Variants in LDB2 observed in about 807,000 individuals in gnomAD.
LDB2 encodes LIM domain binding 2, also known as LIM domain-binding protein 2.
Under a neutral mutation model 44.3 loss-of-function variants are expected in LDB2, and 12 were observed. The ratio of observed to expected loss-of-function variants is 0.27; its 90% CI spans 0.17 to 0.44. The LOEUF is 0.44. LDB2 is among the 20% of genes least tolerant of loss of function. The pLI is 1.00. For missense variants in LDB2, 344 were observed against 473.5 expected (o/e 0.73, Z 2.54); for synonymous variants, 164 against 174.8 (o/e 0.94, Z 0.49).
chr4:16,573,244 T>G (rs1747219595), intron 5 of LDB2, among the ~76,000 whole-genome samples: 1 of 152,176 alleles, frequency 6.6e-6, no homozygotes, highest in East Asian at 1.9e-4. Flanking sequence ...TTATGATAAT[T>G]GTTATTCTGG....
intron 2 of LDB2, among the ~76,000 whole-genome samples, chr4:16,665,102 G>T (rs1301882471): frequency 6.6e-6 from 1 of 152,132 alleles, no homozygotes; most frequent in East Asian, 1.9e-4. Flanking sequence ...TATGGGAGAG[G>T]GGGAAAAGAA....
intron 2 of LDB2, among the ~76,000 whole-genome samples, chr4:16,703,420 G>A (rs754034770): frequency 2.0e-5 from 3 of 152,150 alleles, no homozygotes; most frequent in Non-Finnish European, 4.4e-5. Context: ...AGAATGATGT[G>A]GTTTATGGAC....
At chr4:16,888,057 T>G (rs868751106) in intron 1 of LDB2, among the ~76,000 whole-genome samples, 5 of 152,198 alleles carry the variant, frequency 3.3e-5, no homozygotes, top group Admixed American at 6.5e-5. Context: ...GTGAATCAAT[T>G]GGAAGGGCTG....
At chr4:16,808,042 A>T (rs368926931) in intron 1 of LDB2, among the ~76,000 whole-genome samples, 1 of 152,338 alleles carries the variant, frequency 6.6e-6, no homozygotes, top group Non-Finnish European at 1.5e-5. Context: ...AGGAAAAAAA[A>T]GTATGAGAGA....
At chr4:16,569,556 G>A (rs746042148) in intron 5 of LDB2, among the ~76,000 whole-genome samples, 4 of 152,064 alleles carry the variant, frequency 2.6e-5, no homozygotes, top group Non-Finnish European at 5.9e-5. Context: ...TAGTAAATGC[G>A]GGCTGAATGG....
intron 2 of LDB2, among the ~76,000 whole-genome samples, chr4:16,685,524 TG>T (rs1382285885): frequency 1.3e-5 from 2 of 152,212 alleles, no homozygotes; most frequent in Non-Finnish European, 2.9e-5. Context: ...TCTCCTCACC[TG>T]TTGAATGGAC....
chr4:16,615,146 A>G (rs1726913656), intron 2 of LDB2, among the ~76,000 whole-genome samples: 1 of 152,034 alleles, frequency 6.6e-6, no homozygotes, highest in Non-Finnish European at 1.5e-5. Context: ...ACGATTTTAC[A>G]CTGTTAGTGG....
intron 1 of LDB2, among the ~76,000 whole-genome samples, chr4:16,821,759 A>AAAAAAAAAAAAAAAAAAAAAAAAG (rs1782106504): frequency 6.7e-6 from 1 of 149,590 alleles, no homozygotes; most frequent in Admixed American, 6.7e-5. Context: ...AAAAAAAAAA[A>AAAAAAAAAAAAAAAAAAAAAAAAG]AAAAAAAAAA....
At chr4:16,877,843 T>C (rs1718885956) in intron 1 of LDB2, among the ~76,000 whole-genome samples, 1 of 152,158 alleles carries the variant, frequency 6.6e-6, no homozygotes, top group Non-Finnish European at 1.5e-5. Context: ...GGGATAAAAC[T>C]ATAATGCCAT....
At chr4:16,649,662 A>T (rs1560755201) in intron 2 of LDB2, among the ~76,000 whole-genome samples, 1 of 152,158 alleles carries the variant, frequency 6.6e-6, no homozygotes, top group Non-Finnish European at 1.5e-5. Context: ...TCATTTGTAA[A>T]ATGGGGATGC....
intron 2 of LDB2, among the ~76,000 whole-genome samples, chr4:16,609,587 T>G (rs1283752859): frequency 6.6e-6 from 1 of 152,202 alleles, no homozygotes; most frequent in Non-Finnish European, 1.5e-5. Context: ...TGTGGCAGTC[T>G]GCGGCCAGAG....
intron 5 of LDB2, among the ~76,000 whole-genome samples, chr4:16,555,348 C>A (rs889265845): frequency 1.3e-5 from 2 of 152,200 alleles, no homozygotes; most frequent in African/African-American, 4.8e-5. Flanking sequence ...AATTCCTTAG[C>A]ATGGCAGATG....
intron 2 of LDB2, among the ~76,000 whole-genome samples, chr4:16,745,561 CT>C (rs1172993634): frequency 1.3e-5 from 2 of 152,126 alleles, no homozygotes; most frequent in Admixed American, 6.5e-5. Flanking sequence ...GCAACAAGGA[CT>C]TGGAAGGAAA....
intron 1 of LDB2, among the ~76,000 whole-genome samples, chr4:16,872,174 C>T (rs1278521598): frequency 6.6e-6 from 1 of 151,772 alleles, no homozygotes; most frequent in Non-Finnish European, 1.5e-5. Context: ...AAACATTTAT[C>T]CATAGAGCTC....
At chr4:16,617,118 G>A (rs946535875) in intron 2 of LDB2, among the ~76,000 whole-genome samples, 3 of 152,116 alleles carry the variant, frequency 2.0e-5, no homozygotes, top group African/African-American at 4.8e-5. Context: ...AGGCAAAGCC[G>A]GACGTGATCC....
chr4:16,777,403 T>C lies in LDB2; in HGVS notation c.133-18143A>G, dbSNP rs775325227. 1.6e-4 allele frequency among the ~76,000 whole-genome samples: 25 copies of C among 151,716 alleles called. 1 individual carries two copies. The highest frequency in any genetic ancestry group is 4.2e-4 in the South Asian group (2 of 4,744). ...AACAGCAAGTACAACAGCCCTGAGATTGAAGAACTGTGATGCCTTTAAGGG... is the reference window on the plus strand; with the variant it reads ...AACAGCAAGTACAACAGCCCTGAGACTGAAGAACTGTGATGCCTTTAAGGG... On this transcript the variant is annotated intron_variant, in intron 1 of 7. Coordinates refer to ENST00000304523, the MANE Select transcript of LDB2 (RefSeq NM_001290.5).
At chr4:16,825,633 T>C (rs116256696) in intron 1 of LDB2, among the ~76,000 whole-genome samples, 2 of 152,144 alleles carry the variant, frequency 1.3e-5, no homozygotes, top group African/African-American at 2.4e-5. Flanking sequence ...AGGTTTACAA[T>C]GTTTCCAATA....
chr4:16,767,724 T>C (rs1769677322), intron 1 of LDB2, among the ~76,000 whole-genome samples: 2 of 152,240 alleles, frequency 1.3e-5, no homozygotes, highest in South Asian at 4.1e-4. Context: ...TTGACAATTC[T>C]TCCATATTTT....
At chr4:16,632,727 C>T (rs905579786) in intron 2 of LDB2, among the ~76,000 whole-genome samples, 3 of 152,192 alleles carry the variant, frequency 2.0e-5, no homozygotes, top group Non-Finnish European at 4.4e-5. Context: ...GCAACTTCAA[C>T]AAAGTCTCTG....
Sources: allele counts gnomAD v4.1 joint callset (sites outside exome capture counted in the v4.1 genomes callset), GRCh38; gene constraint gnomAD v4.1.1; transcripts MANE v1.5; gene names NCBI Gene and HGNC (gene_info 2026-07-23, HGNC 2026-07-21).